Variants in ERBB4 observed in about 807,000 individuals in gnomAD.
ERBB4 encodes the protein erb-b2 receptor tyrosine kinase 4, also known as receptor tyrosine-protein kinase erbB-4.
ERBB4 carries 42 observed loss-of-function variants against 158.0 expected under a neutral mutation model. That is an observed-to-expected ratio of 0.27 (90% confidence interval 0.21 to 0.34). The LOEUF (loss-of-function observed/expected upper bound fraction) is 0.34, where lower values mean the gene tolerates loss of function less well. Among genes scored for constraint, ERBB4 ranks in the 10% least tolerant of loss-of-function variants. The pLI is 1.00. For synonymous variants in ERBB4, 583 were observed against 558.7 expected (o/e 1.04, Z -0.61); for missense variants, 1,333 against 1,624.1 (o/e 0.82, Z 3.08).
intron 1 of ERBB4, among the ~76,000 whole-genome samples, chr2:212,440,441 A>G (rs757773681): frequency 6.6e-6 from 1 of 152,176 alleles, no homozygotes; most frequent in Non-Finnish European, 1.5e-5. Flanking sequence ...CTTGCTCCTC[A>G]TCTTGCAGGC....
chr2:212,170,983 G>GA (rs1203265814), intron 1 of ERBB4, among the ~76,000 whole-genome samples: 2 of 152,086 alleles, frequency 1.3e-5, no homozygotes, highest in East Asian at 3.9e-4. Context: ...CCAGGCCCAA[G>GA]AATGATAGAT....
chr2:211,961,657 G>A (rs1478638783), intron 2 of ERBB4, among the ~76,000 whole-genome samples: 1 of 152,118 alleles, frequency 6.6e-6, no homozygotes, highest in East Asian at 1.9e-4. Context: ...TTTCATCAAA[G>A]AGACTGAATG....
At chr2:212,015,301 T>G (rs1296233968) in intron 2 of ERBB4, among the ~76,000 whole-genome samples, 1 of 151,426 alleles carries the variant, frequency 6.6e-6, no homozygotes, top group East Asian at 1.9e-4. Context: ...AATAAATCTT[T>G]TCCTTCCTCT....
intron 2 of ERBB4, among the ~76,000 whole-genome samples, chr2:212,055,309 C>G (rs2077523331): frequency 6.6e-6 from 1 of 152,208 alleles, no homozygotes; most frequent in Admixed American, 6.5e-5. Context: ...GAAGCTCGAA[C>G]TGGGTGGAGC....
At chr2:211,670,373 A>T (rs2071793976) in intron 14 of ERBB4, among the ~76,000 whole-genome samples, 1 of 152,192 alleles carries the variant, frequency 6.6e-6, no homozygotes, top group African/African-American at 2.4e-5. Flanking sequence ...GCATTCAAAG[A>T]TTACTGATTC....
intron 16 of ERBB4, chr2:211,657,524 G>T: frequency 4.3e-6 from 2 of 467,392 alleles, no homozygotes; most frequent in Non-Finnish European, 7.8e-6. Context: ...AAAAAAAAAA[G>T]AAATCGATGG....
intron 2 of ERBB4, among the ~76,000 whole-genome samples, chr2:212,063,331 T>C (rs1216174019): frequency 6.6e-6 from 1 of 152,126 alleles, no homozygotes; most frequent in African/African-American, 2.4e-5. Context: ...AAAATGTGTA[T>C]ATCATATAAA....
chr2:211,905,120 G>T (rs768639073), intron 3 of ERBB4, among the ~76,000 whole-genome samples: 2 of 152,094 alleles, frequency 1.3e-5, no homozygotes, highest in South Asian at 4.1e-4. Flanking sequence ...GAGTTCACAA[G>T]TCTGAAATGG....
At chr2:211,571,318 G>T (rs990924919) in intron 19 of ERBB4, among the ~76,000 whole-genome samples, 6 of 152,002 alleles carry the variant, frequency 3.9e-5, no homozygotes, top group Non-Finnish European at 8.8e-5. Context: ...CCAACATTAA[G>T]AAATATGACA....
chr2:212,034,332 T>C (rs2076967193), intron 2 of ERBB4, among the ~76,000 whole-genome samples: 2 of 151,980 alleles, frequency 1.3e-5, no homozygotes, highest in South Asian at 2.1e-4. Context: ...GGACAAAATA[T>C]ATAAAAAGGA....
intron 8 of ERBB4, among the ~76,000 whole-genome samples, chr2:211,713,027 C>T (rs959472156): frequency 6.6e-5 from 10 of 152,146 alleles, no homozygotes; most frequent in Admixed American, 5.2e-4. Context: ...AATTCTATGG[C>T]ATGAATTATC....
chr2:212,191,567 CACATGTGTTATGCCTGTTATATAT>C (rs2082204174), intron 1 of ERBB4, among the ~76,000 whole-genome samples: 1 of 20,504 alleles, frequency 4.9e-5, no homozygotes, highest in Non-Finnish European at 1.4e-4. Flanking sequence ...TTATATATAA[CACATGTGTTATGCCTGTTATATAT>C]AACACATGTG....
chr2:211,823,516 TA>T (rs1024354477), intron 3 of ERBB4, among the ~76,000 whole-genome samples: 13 of 152,114 alleles, frequency 8.5e-5, no homozygotes, highest in African/African-American at 3.1e-4. Flanking sequence ...TTTGTTTCTT[TA>T]AAAAATCCCA....
intron 3 of ERBB4, among the ~76,000 whole-genome samples, chr2:211,916,458 G>T (rs2079695057): frequency 6.6e-6 from 1 of 152,082 alleles, no homozygotes; most frequent in Non-Finnish European, 1.5e-5. Flanking sequence ...GGGATTACGT[G>T]CATAAGCCAC....
At chr2:212,143,410 G>C (rs2080550906) in intron 1 of ERBB4, among the ~76,000 whole-genome samples, 1 of 152,070 alleles carries the variant, frequency 6.6e-6, no homozygotes, top group Non-Finnish European at 1.5e-5. Context: ...AATTACCTAA[G>C]AGATGGTTAT....
chr2:211,624,878 CAGGGAGTGGGACTGGTCAGAAGGGTG>C (rs1422782027), intron 17 of ERBB4, among the ~76,000 whole-genome samples: 1 of 152,010 alleles, frequency 6.6e-6, no homozygotes, highest in Non-Finnish European at 1.5e-5. Context: ...CAGAATACAA[CAGGGAGTGGGACTGGTCAGAAGGGTG>C]AGAGTACGGT....
intron 1 of ERBB4, among the ~76,000 whole-genome samples, chr2:212,487,846 G>A (rs1043755762): frequency 3.3e-5 from 5 of 152,026 alleles, no homozygotes; most frequent in African/African-American, 1.2e-4. Flanking sequence ...CAGTTTTACT[G>A]ATGAGAAAAT....
chr2:211,601,897 T>A (rs187000621), intron 19 of ERBB4, among the ~76,000 whole-genome samples: 2 of 152,068 alleles, frequency 1.3e-5, no homozygotes, highest in Non-Finnish European at 2.9e-5. Context: ...GTATTGGGGG[T>A]CATATAATTG....
At chr2:211,676,641 T>C (rs796463104) in intron 13 of ERBB4, among the ~76,000 whole-genome samples, 6 of 152,290 alleles carry the variant, frequency 3.9e-5, no homozygotes, top group African/African-American at 9.6e-5. Context: ...TCCTATATAG[T>C]GTTGCGAGTT....
Sources: gnomAD v4.1 joint callset for allele counts (sites outside exome capture counted in the v4.1 genomes callset) on GRCh38, gnomAD v4.1.1 for gene constraint, MANE v1.5 for transcripts, NCBI Gene and HGNC (gene_info 2026-07-23, HGNC 2026-07-21) for gene names.